RBFOX1: variants seen among roughly 807,000 people sequenced by gnomAD.
The protein encoded by RBFOX1 is RNA binding fox-1 homolog 1.
A neutral mutation model predicts 57.7 loss-of-function variants in RBFOX1; 8 were observed. The ratio of observed to expected loss-of-function variants is 0.14; its 90% CI spans 0.08 to 0.25. The LOEUF (loss-of-function observed/expected upper bound fraction) is 0.25. Among genes scored for constraint, RBFOX1 ranks in the 10% least tolerant of loss-of-function variants. The pLI, the probability that RBFOX1 is intolerant of heterozygous loss-of-function variation, is 1.00. For missense variants in RBFOX1, 611 were observed against 548.5 expected, an observed-to-expected ratio of 1.11 and a Z score of -1.14; for synonymous variants, 326 against 222.4, an observed-to-expected ratio of 1.47 and a Z score of -4.15.
intron 2 of RBFOX1, among the ~76,000 whole-genome samples, chr16:5,565,414 T>C (rs778887911): frequency 6.6e-6 from 1 of 151,866 alleles, no homozygotes; most frequent in South Asian, 2.1e-4. Flanking sequence ...TCACCTGAGG[T>C]TGGGAGTTCA....
rs970781085 is a variant in RBFOX1, at chr16:6,049,074, T to C, written c.-127+29082T>C. 1.3e-4 allele frequency among the ~76,000 whole-genome samples: 19 copies of C among 143,724 alleles called. No individual in the cohort carries two copies. In the East Asian group the frequency reaches 1.8e-3, roughly 14 times the overall value. The allele number at this position is 143,724 out of a possible 152,430, so 94.3% of individuals were successfully genotyped here. On this transcript the variant is annotated intron_variant, in intron 1 of 15. Coordinates refer to ENST00000550418, the MANE Select transcript of RBFOX1 (RefSeq NM_018723.4). ...ACAGCTTTTTTTTTTTTTTTTTTTT[T>C]CCTTTTTTGAGACAGTCTCACTCTG...
chr16:6,097,138 G>C lies in RBFOX1; in HGVS notation c.-127+77146G>C, dbSNP rs763503312. Among the ~76,000 whole-genome samples, 1 of 152,024 alleles carries C rather than the reference G, an allele frequency of 6.6e-6. No individual in the cohort carries two copies. The highest frequency in any genetic ancestry group is 2.1e-4 in the South Asian group (1 of 4,824). On this transcript the variant is annotated intron_variant, in intron 1 of 15. Coordinates refer to ENST00000550418, the MANE Select transcript of RBFOX1 (RefSeq NM_018723.4). The surrounding 1 kb of genome is among the most constrained non-coding windows in gnomAD (Gnocchi z 5.0). ...GATAAGGGGAAATCGCTTTCACTTC[G>C]TTCTTATATTCTTTCCTGTCTGCTG...
chr16:6,375,091 G>A (rs1389375900), intron 2 of RBFOX1, among the ~76,000 whole-genome samples: 1 of 152,146 alleles, frequency 6.6e-6, no homozygotes, highest in South Asian at 2.1e-4. Context: ...CAGGCTAATG[G>A]GAGTGTGTGC....
intron 6 of RBFOX1, among the ~76,000 whole-genome samples, chr16:7,585,426 C>A (rs1443554228): frequency 6.6e-6 from 1 of 152,190 alleles, no homozygotes; most frequent in Non-Finnish European, 1.5e-5. Context: ...TTCCATTGTG[C>A]ATGCAAGCAA....
intron 4 of RBFOX1, among the ~76,000 whole-genome samples, chr16:5,904,601 C>T (rs1020768075): frequency 6.6e-6 from 1 of 151,832 alleles, no homozygotes; most frequent in South Asian, 2.1e-4. Context: ...GTGAAATGTT[C>T]CCCCTTGAAA....
At chr16:6,915,114 C>T (rs2072786397) in intron 3 of RBFOX1, among the ~76,000 whole-genome samples, 1 of 152,192 alleles carries the variant, frequency 6.6e-6, no homozygotes, top group Non-Finnish European at 1.5e-5. Flanking sequence ...CTGCGGTCCT[C>T]CAGCTAATCA....
At chr16:7,305,404 T>C (rs987753243) in intron 4 of RBFOX1, among the ~76,000 whole-genome samples, 40 of 152,146 alleles carry the variant, frequency 2.6e-4, no homozygotes, top group African/African-American at 9.7e-4. Flanking sequence ...GCAGGGGCAG[T>C]GGATGTGAAC....
chr16:7,143,784 C>T (rs2074340136), intron 4 of RBFOX1, among the ~76,000 whole-genome samples: 1 of 152,160 alleles, frequency 6.6e-6, no homozygotes, highest in Non-Finnish European at 1.5e-5. Context: ...TGAGTATCTA[C>T]ACTGTGCTTA....
chr16:6,383,088 A>G (rs1458281011), intron 2 of RBFOX1, among the ~76,000 whole-genome samples: 1 of 152,190 alleles, frequency 6.6e-6, no homozygotes, highest in Admixed American at 6.5e-5. Context: ...TCACTTGCTG[A>G]CATGTGCTAG....
chr16:7,211,395 A>AAAAC (rs1246833258), intron 4 of RBFOX1, among the ~76,000 whole-genome samples: 3 of 150,974 alleles, frequency 2.0e-5, no homozygotes, highest in Non-Finnish European at 3.0e-5. Flanking sequence ...GCCTCTCAAA[A>AAAAC]AAAAAAAAAA....
intron 4 of RBFOX1, among the ~76,000 whole-genome samples, chr16:5,927,657 T>C (rs150855347): frequency 0.01 from 1,543 of 152,372 alleles, 33 homozygotes; most frequent in African/African-American, 0.035. Context: ...TCATGTTCAT[T>C]GCAGCACTAT....
intron 4 of RBFOX1, among the ~76,000 whole-genome samples, chr16:7,274,373 T>C (rs891878025): frequency 2.0e-5 from 3 of 152,116 alleles, no homozygotes; most frequent in African/African-American, 7.2e-5. Context: ...TGCTCAGAGA[T>C]ACACAATAAA....
At position 5,282,631 on chromosome 16, in the gene RBFOX1, T is replaced by C. The variant is rs574353754; in HGVS notation, c.219+42526T>C. Among the ~76,000 whole-genome samples the C allele has an allele frequency of 4.6e-5, 7 of 152,340 alleles. No homozygotes were observed. The East Asian group carries it at 1.2e-3, about 25-fold the overall frequency. ...AAAGAGACTGGTGGCATTTTGCCCC[T>C]GCTGTAGAGATTTGTGGAATTTTGA... On this transcript the variant is annotated intron_variant, in intron 1 of 2. Transcript: ENST00000585867.
intron 1 of RBFOX1, among the ~76,000 whole-genome samples, chr16:6,156,187 G>T (rs1055940785): frequency 1.3e-5 from 2 of 152,084 alleles, no homozygotes; most frequent in Non-Finnish European, 1.5e-5. Context: ...TTTCCTAATA[G>T]AGGTTTCTGT....
Position 6,859,134 on chromosome 16 carries a change from TATATAC to T in RBFOX1, c.-15-192922_-15-192917del, listed in dbSNP as rs1350969854. Among the ~76,000 whole-genome samples the T allele has an allele frequency of 8.8e-4, 55 of 62,276 alleles. 4 individuals are homozygous for T. The highest frequency in any genetic ancestry group is 2.7e-3 in the African/African-American group (51 of 18,924). 40.9% of individuals were successfully genotyped at this position (62,276 alleles called of 152,430 possible). A position where few individuals can be genotyped will look rare whatever the true frequency, so the allele number is the denominator to read the frequency against. On this transcript the variant is annotated intron_variant, in intron 3 of 15. Transcript: ENST00000550418. ...GTGTATATATATATATATATACATATATATACGTATATATATATGTATATATATACG... is the reference window on the plus strand; with the variant it reads ...GTGTATATATATATATATATACATATGTATATATATATGTATATATATACG...
At chr16:6,106,678 C>T (rs55934791) in intron 1 of RBFOX1, among the ~76,000 whole-genome samples, 104,985 of 151,728 alleles carry the variant, frequency 0.69, 37,284 homozygotes, top group African/African-American at 0.86. Flanking sequence ...CCTTCTTTTC[C>T]TTTTTTTGAG....
In RBFOX1 at chr16:5,672,552, C is replaced by T. The variant is rs533194084; in HGVS notation, c.318+73591C>T. Among the ~76,000 whole-genome samples the T allele has an allele frequency of 2.0e-5, 3 of 152,204 alleles. No homozygotes were observed. The East Asian group carries it at 5.8e-4, about 29-fold the overall frequency. ...AACTGTGGAAACAGTAAGTGCGCCA[C>T]GTTCTCTGTAAGATTTTCATTTGAA... is the stretch of plus-strand genomic sequence containing the variant. On this transcript the variant is annotated intron_variant, in intron 3 of 19. Coordinates refer to the RBFOX1 transcript ENST00000641259.
chr16:6,569,778 T>C (rs1261774031), intron 2 of RBFOX1, among the ~76,000 whole-genome samples: 4 of 152,202 alleles, frequency 2.6e-5, no homozygotes, highest in Non-Finnish European at 5.9e-5. Context: ...TCCTGAGTGG[T>C]TGGCCAGTGG....
At chr16:5,803,795 G>T (rs977855360) in intron 3 of RBFOX1, among the ~76,000 whole-genome samples, 1 of 152,152 alleles carries the variant, frequency 6.6e-6, no homozygotes, top group East Asian at 1.9e-4. Context: ...TGATTATGTT[G>T]CTTCAGTTAA....
Sources: allele counts gnomAD v4.1 joint callset (sites outside exome capture counted in the v4.1 genomes callset), GRCh38; gene constraint gnomAD v4.1.1; non-coding constraint Gnocchi (gnomAD v3.1); transcripts MANE v1.5; gene names NCBI Gene and HGNC (gene_info 2026-07-23, HGNC 2026-07-21).